GLIS3: variants seen among roughly 807,000 people sequenced by gnomAD.
GLIS3 encodes the protein GLIS family zinc finger 3, also known as zinc finger protein GLIS3.
GLIS3 carries 53 observed loss-of-function variants against 78.6 expected under a neutral mutation model. That is an observed-to-expected ratio of 0.67 (90% confidence interval 0.54 to 0.85). The LOEUF (loss-of-function observed/expected upper bound fraction) is 0.85. Ranked by LOEUF, GLIS3 falls within the 40% of genes least tolerant of loss-of-function variation. The pLI, the probability that GLIS3 is intolerant of heterozygous loss-of-function variation, is 0.00. For synonymous variants in GLIS3, 684 were observed against 509.9 expected, an observed-to-expected ratio of 1.34 and a Z score of -4.60; for missense variants, 1,703 against 1,231.1, an observed-to-expected ratio of 1.38 and a Z score of -5.74.
chr9:3,967,745 G>C (rs991430733), intron 4 of GLIS3, among the ~76,000 whole-genome samples: 3 of 152,194 alleles, frequency 2.0e-5, no homozygotes, highest in Admixed American at 1.3e-4. Flanking sequence ...GCAATGTCAT[G>C]AGAAAGATGG....
chr9:4,477,422 G>GT, the GLIS3 span, among the ~76,000 whole-genome samples: 5 of 150,294 alleles, frequency 3.3e-5, no homozygotes, highest in East Asian at 2.0e-4. Flanking sequence ...GGGGGGCTGG[G>GT]TTTTTTTTTG....
At chr9:3,898,877 G>T in intron 6 of GLIS3, 42 bp from the exon 7 acceptor site, 1 of 1,612,438 alleles carries the variant, frequency 6.2e-7, no homozygotes, top group Non-Finnish European at 8.5e-7. Context: ...AGGAGAGCCG[G>T]TCCTTGGAAT....
chr9:4,387,444 T>C, the GLIS3 span, among the ~76,000 whole-genome samples: 1 of 152,208 alleles, frequency 6.6e-6, no homozygotes, highest in African/African-American at 2.4e-5. Context: ...GTCCTCACGG[T>C]TGCACATTTC....
chr9:3,891,066 C>CAA (rs58449134), intron 7 of GLIS3, among the ~76,000 whole-genome samples: 8,096 of 126,766 alleles, frequency 0.064, 358 homozygotes, highest in African/African-American at 0.1. Context: ...CTTCCTTCCT[C>CAA]AAAAAAAAAA....
At chr9:4,431,540 G>T in the GLIS3 span, among the ~76,000 whole-genome samples, 3 of 152,054 alleles carry the variant, frequency 2.0e-5, no homozygotes, top group Non-Finnish European at 2.9e-5. Context: ...GCTGGCAAAT[G>T]TTTTCTGTAA....
intron 2 of GLIS3, among the ~76,000 whole-genome samples, chr9:4,133,202 T>C (rs1833104400): frequency 6.6e-6 from 1 of 152,226 alleles, no homozygotes; most frequent in South Asian, 2.1e-4. Flanking sequence ...AAGTTGCAGA[T>C]TCCATGTCCT....
chr9:4,200,252 A>G (rs772347561), intron 2 of GLIS3, among the ~76,000 whole-genome samples: 1 of 152,130 alleles, frequency 6.6e-6, no homozygotes, highest in Non-Finnish European at 1.5e-5. Flanking sequence ...GAACTAGAGA[A>G]ACAAGAACAA....
chr9:3,989,097 G>T lies in GLIS3; in HGVS notation c.1711-51908C>A, dbSNP rs191094307. Among the ~76,000 whole-genome samples, 116 of 152,184 alleles carry T rather than the reference G, an allele frequency of 7.6e-4. 3 individuals carry two copies. The East Asian group carries it at 0.019, about 25-fold the overall frequency. On this transcript the variant is annotated intron_variant, in intron 4 of 10. Coordinates refer to ENST00000381971, the MANE Select transcript of GLIS3 (RefSeq NM_001042413.2). Reference sequence around the variant, plus strand: ...GCAATCCAAATAGAAAATGGGAAAAGATATTTAACTAAAGAGGATATACAG... The same window carrying T: ...GCAATCCAAATAGAAAATGGGAAAATATATTTAACTAAAGAGGATATACAG...
chr9:4,240,981 A>T (rs1003671247), intron 2 of GLIS3, among the ~76,000 whole-genome samples: 1 of 152,106 alleles, frequency 6.6e-6, no homozygotes, highest in African/African-American at 2.4e-5. Context: ...GTACGTGTGT[A>T]CATATTTTAA....
intron 4 of GLIS3, among the ~76,000 whole-genome samples, chr9:3,972,304 C>A (rs1261143483): frequency 6.6e-6 from 1 of 152,124 alleles, no homozygotes; most frequent in Non-Finnish European, 1.5e-5. Flanking sequence ...GTTCTTTATT[C>A]CTCTACCTAA....
intron 10 of GLIS3, 73 bp downstream of exon 10, chr9:3,829,237 T>C (rs993112511): frequency 7.6e-7 from 1 of 1,324,390 alleles, no homozygotes; most frequent in Non-Finnish European, 1.1e-6. Flanking sequence ...CCAGCCCAGG[T>C]CGGTCACGGG....
intron 2 of GLIS3, among the ~76,000 whole-genome samples, chr9:4,326,552 G>A (rs1005301661): frequency 7.0e-6 from 1 of 142,902 alleles, no homozygotes; most frequent in African/African-American, 2.4e-5. Flanking sequence ...GGAGGAATGG[G>A]GGTTATTTTT....
the GLIS3 span, among the ~76,000 whole-genome samples, chr9:4,470,136 C>T: frequency 6.6e-6 from 1 of 152,064 alleles, no homozygotes; most frequent in Non-Finnish European, 1.5e-5. Context: ...AAAAACAGTC[C>T]AGGACCAGAC....
chr9:4,212,570 C>A (rs566718052), intron 2 of GLIS3, among the ~76,000 whole-genome samples: 1 of 152,310 alleles, frequency 6.6e-6, no homozygotes, highest in East Asian at 1.9e-4. Context: ...ACATGGCACA[C>A]AGGTGGCGCC....
rs193264786 is a variant in GLIS3 at position 3,862,868 on chromosome 9, G to T, written c.2298-6684C>A. Among the ~76,000 whole-genome samples the T allele has an allele frequency of 2.0e-4, 30 of 152,256 alleles. No homozygotes were observed. In the East Asian group the frequency reaches 5.8e-3, roughly 29 times the overall value. ...AAAATATTATTGATTTGCTGCCAGG[G>T]AGTAGAAATAATGGATATAAACTAG... On this transcript the variant is annotated intron_variant, in intron 8 of 10. Transcript: ENST00000381971.
At chr9:4,369,912 C>G in the GLIS3 span, among the ~76,000 whole-genome samples, 2 of 152,190 alleles carry the variant, frequency 1.3e-5, no homozygotes, top group East Asian at 3.8e-4. Flanking sequence ...GAGAATCAGG[C>G]TTGGCAAGGT....
chr9:4,427,406 G>A, the GLIS3 span, among the ~76,000 whole-genome samples: 2 of 152,140 alleles, frequency 1.3e-5, no homozygotes, highest in Non-Finnish European at 2.9e-5. Flanking sequence ...TCCTTCTGAA[G>A]GTCTTGCAAA....
rs184491139 is a variant in GLIS3 at position 4,158,943 on chromosome 9, A to G, written c.389-33002T>C. ...GTGAGAAGAAACCAGCCATGTAACA[A>G]TACGGGGGCGGAGTCCCGGGCAGAA... On this transcript the variant is annotated intron_variant, in intron 2 of 10. Coordinates refer to ENST00000381971, the MANE Select transcript of GLIS3 (RefSeq NM_001042413.2). 7.9e-4 allele frequency among the ~76,000 whole-genome samples: 120 copies of G among 151,180 alleles called. 2 individuals carry two copies. The highest frequency in any genetic ancestry group is 2.8e-3 in the African/African-American group (115 of 41,036).
Position 4,063,756 on chromosome 9 carries a change from G to A in GLIS3, c.1710+54012C>T, listed in dbSNP as rs367663316. 1.4e-4 allele frequency among the ~76,000 whole-genome samples: 21 copies of A among 152,266 alleles called. No individual in the cohort carries two copies. The East Asian group carries it at 4.0e-3, about 29-fold the overall frequency. On this transcript the variant is annotated intron_variant, in intron 4 of 10. Coordinates refer to ENST00000381971, the MANE Select transcript of GLIS3 (RefSeq NM_001042413.2). Reference sequence around the variant, plus strand: ...AAATAAATTGAGAAAAATTAAGGCAGATGAGAGTTCAGTAGGTTGGTCAGA... The same window carrying A: ...AAATAAATTGAGAAAAATTAAGGCAAATGAGAGTTCAGTAGGTTGGTCAGA...
Sources: gnomAD v4.1 joint callset for allele counts (sites outside exome capture counted in the v4.1 genomes callset) on GRCh38, gnomAD v4.1.1 for gene constraint, MANE v1.5 for transcripts, NCBI Gene and HGNC (gene_info 2026-07-23, HGNC 2026-07-21) for gene names.